Variants in ADAMTS19 observed in about 807,000 individuals in gnomAD.
ADAMTS19 encodes the protein ADAM metallopeptidase with thrombospondin type 1 motif 19, also known as A disintegrin and metalloproteinase with thrombospondin motifs 19.
Under a neutral mutation model 153.3 loss-of-function variants are expected in ADAMTS19, and 93 were observed. The ratio of observed to expected loss-of-function variants is 0.61; its 90% CI spans 0.51 to 0.72. The LOEUF is 0.72. Among genes scored for constraint, ADAMTS19 ranks in the 30% least tolerant of loss-of-function variants. The pLI, the probability that ADAMTS19 is intolerant of heterozygous loss-of-function variation, is 0.00. For missense variants in ADAMTS19, 1,482 were observed against 1,552.1 expected (o/e 0.95, Z 0.76); for synonymous variants, 600 against 556.6 (o/e 1.08, Z -1.10).
At chr5:129,711,278 C>T (rs1269461842) in intron 21 of ADAMTS19, among the ~76,000 whole-genome samples, 1 of 152,074 alleles carries the variant, frequency 6.6e-6, no homozygotes. Context: ...ATAAAATAAA[C>T]ACAATTAGGA....
intron 6 of ADAMTS19, among the ~76,000 whole-genome samples, chr5:129,550,039 T>G (rs528150695): frequency 0.027 from 2,973 of 108,420 alleles, 211 homozygotes; most frequent in African/African-American, 0.092. Flanking sequence ...TAGATATACA[T>G]ATACATGTAT....
intron 10 of ADAMTS19, among the ~76,000 whole-genome samples, chr5:129,628,527 A>AT (rs963377097): frequency 2.0e-5 from 3 of 152,110 alleles, no homozygotes; most frequent in South Asian, 2.1e-4. Context: ...GACGGTTGAT[A>AT]TTTTTTCCCA....
intron 6 of ADAMTS19, among the ~76,000 whole-genome samples, chr5:129,538,218 G>T (rs1752527422): frequency 6.6e-6 from 1 of 151,906 alleles, no homozygotes. Context: ...CAAGAATAAA[G>T]ATAAAAATTA....
At chr5:129,722,059 CAT>C (rs1561670248) in intron 21 of ADAMTS19, among the ~76,000 whole-genome samples, 1 of 152,202 alleles carries the variant, frequency 6.6e-6, no homozygotes, top group Non-Finnish European at 1.5e-5. Context: ...CTGCAATAAA[CAT>C]ATGTGTGTGT....
chr5:129,580,991 G>A (rs6878866), intron 7 of ADAMTS19, among the ~76,000 whole-genome samples: 127,177 of 152,162 alleles, frequency 0.84, 53,396 homozygotes, highest in Non-Finnish European at 0.88. Flanking sequence ...ATTGTTGGGA[G>A]TAGTTTCAGA....
intron 21 of ADAMTS19, among the ~76,000 whole-genome samples, chr5:129,711,634 C>A (rs1280886789): frequency 1.3e-5 from 2 of 151,958 alleles, no homozygotes; most frequent in African/African-American, 4.8e-5. Flanking sequence ...GGAGATCACA[C>A]CACTGCACTC....
rs370219825 is a variant in ADAMTS19 at position 129,603,991 on chromosome 5, T to A, written c.1478+7327T>A. On this transcript the variant is annotated intron_variant, in intron 8 of 22. Transcript: ENST00000274487. ...TTTATCTCTTCAGCCATACTTCATT[T>A]CACACCCCCTTTCATTCTCAGCACT... is the stretch of plus-strand genomic sequence containing the variant. Among the ~76,000 whole-genome samples the A allele has an allele frequency of 1.4e-3, 214 of 152,240 alleles. 3 individuals are homozygous for A. The highest frequency in any genetic ancestry group is 8.3e-3 in the South Asian group (40 of 4,820).
intron 10 of ADAMTS19, among the ~76,000 whole-genome samples, chr5:129,639,433 T>G (rs928838173): frequency 6.6e-6 from 1 of 152,216 alleles, no homozygotes; most frequent in Non-Finnish European, 1.5e-5. Context: ...ATAAGATCCC[T>G]AGACCTGCAG....
intron 21 of ADAMTS19, among the ~76,000 whole-genome samples, chr5:129,709,733 G>A (rs1756351074): frequency 6.6e-6 from 1 of 152,104 alleles, no homozygotes; most frequent in Admixed American, 6.6e-5. Flanking sequence ...AGTCTAGAAA[G>A]ACAATACAAG....
rs767693633 is a variant in ADAMTS19 at position 129,658,714 on chromosome 5, A to G, written c.2402A>G (p.Asp801Gly). Residue 801 changes from aspartate (D) to glycine (G), a missense_variant, in exon 15 of 23, where the codon GAT (aspartate) becomes GGT (glycine). Coordinates refer to ENST00000274487, the MANE Select transcript of ADAMTS19 (RefSeq NM_133638.6). ...NGKSCKIIKGDFNHTRGAGYV... is the reference protein window; with the variant it reads ...NGKSCKIIKGGFNHTRGAGYV... Reference sequence around the variant, plus strand: ...AAATCATGCAAGATCATTAAAGGGGATTTTAATCACACCAGAGGAGCAGGT... The same window carrying G: ...AAATCATGCAAGATCATTAAAGGGGGTTTTAATCACACCAGAGGAGCAGGT... 1 of 1,612,534 alleles carries G rather than the reference A, an allele frequency of 6.2e-7. No homozygotes were observed.
At chr5:129,718,218 CAT>C (rs1405781550) in intron 21 of ADAMTS19, among the ~76,000 whole-genome samples, 1 of 152,112 alleles carries the variant, frequency 6.6e-6, no homozygotes, top group Non-Finnish European at 1.5e-5. Context: ...CCTTTCACAA[CAT>C]ATTCAGTTCT....
intron 3 of ADAMTS19, among the ~76,000 whole-genome samples, chr5:129,525,349 G>C (rs1200003470): frequency 6.6e-6 from 1 of 151,936 alleles, no homozygotes; most frequent in East Asian, 1.9e-4. Flanking sequence ...TTATTCCAGG[G>C]ATTTTAATTT....
At position 129,461,684 on chromosome 5, in the gene ADAMTS19, G is replaced by T; in HGVS notation, c.674G>T (p.Gly225Val). 1 of 1,578,320 alleles carries T rather than the reference G, an allele frequency of 6.3e-7. No individual in the cohort carries two copies. The highest frequency in any genetic ancestry group is 8.6e-7 in the Non-Finnish European group (1 of 1,168,068). Reference protein sequence around the residue: ...APQPPAPPDAGCFYTGAVLRH... With the variant: ...APQPPAPPDAVCFYTGAVLRH... The stretch of plus-strand genomic sequence containing the variant: ...CAACCTCCCGCGCCACCAGACGCAG[G>T]CTGCTTCTACACCGGAGCTGTGCTG... The change falls in exon 2 of 23, where the codon GGC (glycine) becomes GTC (valine). Residue 225 changes from glycine to valine, a missense_variant. Gly to Val is a moderately radical substitution (Grantham distance 109). This residue lies in a region of ADAMTS19 where 866 missense variants were observed against 827.7 expected (regional missense o/e 1.05). Transcript: ENST00000274487. This position sits in a 1 kb window ranked among gnomAD's most constrained non-coding sequence, Gnocchi z 4.6.
At chr5:129,592,292 C>T (rs952857813) in intron 7 of ADAMTS19, among the ~76,000 whole-genome samples, 1 of 149,230 alleles carries the variant, frequency 6.7e-6, no homozygotes, top group Non-Finnish European at 1.5e-5. Context: ...AGGCAGAAGA[C>T]TCGCTGAAAC....
chr5:129,646,273 G>C (rs1745322852), intron 11 of ADAMTS19, among the ~76,000 whole-genome samples: 1 of 152,006 alleles, frequency 6.6e-6, no homozygotes, highest in South Asian at 2.1e-4. Flanking sequence ...TCTCTGAGTT[G>C]TTGATCTTTA....
chr5:129,628,536 C>A (rs1752156382), intron 10 of ADAMTS19, among the ~76,000 whole-genome samples: 1 of 151,854 alleles, frequency 6.6e-6, no homozygotes, highest in Admixed American at 6.6e-5. Context: ...TATTTTTTCC[C>A]AAAGGGTTTG....
chr5:129,610,232 T>A (rs1470842073), intron 8 of ADAMTS19, among the ~76,000 whole-genome samples: 1 of 152,098 alleles, frequency 6.6e-6, no homozygotes, highest in Non-Finnish European at 1.5e-5. Context: ...TGAATAATCC[T>A]TTTTAAAGGC....
chr5:129,658,121 C>CA (rs1222742119), intron 14 of ADAMTS19, among the ~76,000 whole-genome samples: 3 of 151,578 alleles, frequency 2.0e-5, no homozygotes, highest in East Asian at 1.9e-4. Context: ...CTTGTCTCAA[C>CA]AAAAAAACAC....
At chr5:129,672,316 G>A (rs1754337683) in intron 16 of ADAMTS19, among the ~76,000 whole-genome samples, 1 of 151,996 alleles carries the variant, frequency 6.6e-6, no homozygotes, top group Admixed American at 6.6e-5. Context: ...TGAATTTGGG[G>A]GAGGGCACCA....
Sources: gnomAD v4.1 joint callset for allele counts (sites outside exome capture counted in the v4.1 genomes callset) on GRCh38, gnomAD v4.1.1 for gene constraint, gnomAD v4.1.1 regional missense constraint, Gnocchi (gnomAD v3.1) non-coding constraint, MANE v1.5 for transcripts, NCBI Gene and HGNC (gene_info 2026-07-23, HGNC 2026-07-21) for gene names.